The following ZNF16 variants were observed in gnomAD, a reference collection of about 807,000 sequenced individuals.
The protein encoded by ZNF16 is zinc finger protein KOX9.
A neutral mutation model predicts 9.0 loss-of-function variants in ZNF16; 7 were observed. That is an observed-to-expected ratio of 0.78 (90% CI 0.44 to 1.47). The LOEUF is 1.47. Among genes scored for constraint, ZNF16 ranks in the 40% most tolerant of loss-of-function variants. ZNF16 has a pLI of 0.01. For missense variants in ZNF16, 830 were observed against 854.2 expected (o/e 0.97, Z 0.35); for synonymous variants, 312 against 301.5 (o/e 1.03, Z -0.36).
intron 2 of ZNF16, among the ~76,000 whole-genome samples, chr8:144,942,288 AT>A (rs919001585): frequency 2.9e-5 from 4 of 138,066 alleles, no homozygotes; most frequent in Non-Finnish European, 6.3e-5. Flanking sequence ...CATTTTTAAG[AT>A]TTTTTTTTGA....
rs1586949256 is a variant in ZNF16, at chr8:144,933,385, C to T, written c.197-795G>A. Among the ~76,000 whole-genome samples, 1 of 152,166 alleles carries T rather than the reference C, an allele frequency of 6.6e-6. No individual in the cohort carries two copies. On this transcript the variant is annotated intron_variant, in intron 2 of 2. Coordinates refer to ENST00000394909, the MANE Select transcript of ZNF16 (RefSeq NM_006958.3). The surrounding 1 kb of genome is among the most constrained non-coding windows in gnomAD (Gnocchi z 5.6). ...GGTGTTTGCGGATGACTTCTGGCCTCGTAACAATGTGCGTCATCTTTCCGC... is the reference window on the plus strand; with the variant it reads ...GGTGTTTGCGGATGACTTCTGGCCTTGTAACAATGTGCGTCATCTTTCCGC...
intron 2 of ZNF16, among the ~76,000 whole-genome samples, chr8:144,942,023 G>A (rs1199363202): frequency 6.9e-6 from 1 of 145,784 alleles, no homozygotes; most frequent in African/African-American, 2.6e-5. Context: ...TGTCTCCCAG[G>A]CTGGAGTGCA....
In ZNF16 at chr8:144,946,643, GT is replaced by G. The variant is rs202144015; in HGVS notation, c.-9-429del. 7.8e-4 allele frequency among the ~76,000 whole-genome samples: 93 copies of G among 119,902 alleles called. 2 individuals carry two copies. The highest frequency in any genetic ancestry group is 7.4e-4 in the Non-Finnish European group (43 of 57,830). The allele number at this position is 119,902 out of a possible 152,430, so 78.7% of individuals were successfully genotyped here. The stretch of plus-strand genomic sequence containing the variant: ...CCTGCTGTTGGGCCTGTGTCCTGCT[GT>G]TGGGCCTGTGTCCTACTGTGGGCCT... On this transcript the variant is annotated intron_variant, in intron 1 of 2. Coordinates refer to ENST00000394909, the MANE Select transcript of ZNF16 (RefSeq NM_006958.3).
chr8:144,946,375 T>C (rs1365355262), intron 1 of ZNF16, among the ~76,000 whole-genome samples, 160 bp from the exon 2 acceptor site: 1 of 152,126 alleles, frequency 6.6e-6, no homozygotes, highest in Non-Finnish European at 1.5e-5. Context: ...TTTCCTGATC[T>C]TGGACCTAAA....
At chr8:144,934,347 C>T (rs982051040) in intron 2 of ZNF16, among the ~76,000 whole-genome samples, 2 of 152,262 alleles carry the variant, frequency 1.3e-5, no homozygotes, top group African/African-American at 4.8e-5. Context: ...TCCTCTCCCA[C>T]AGAGCTGCCC....
In ZNF16 at chr8:144,932,642, G is replaced by C; in HGVS notation, c.197-52C>G. 6.4e-7 allele frequency: 1 copy of C among 1,568,702 alleles called. No individual in the cohort carries two copies. The highest frequency in any genetic ancestry group is 8.6e-7 in the Non-Finnish European group (1 of 1,156,190). On this transcript the variant is annotated intron_variant, in intron 2 of 2. Coordinates refer to ENST00000394909, the MANE Select transcript of ZNF16 (RefSeq NM_006958.3). This position sits in a 1 kb window ranked among gnomAD's most constrained non-coding sequence, Gnocchi z 5.0. ...GGAAGGCAGTGCTGCAGCAGGAGCA[G>C]GAACATAGACAGTCACAGTTGCACC...
At position 144,942,477 on chromosome 8, in the gene ZNF16, A is replaced by G. The variant is rs994259723; in HGVS notation, c.196+3534T>C. ...TAATTTTTGTATTTTTAGTAGAGAC[A>G]GGGTTTCACCATGTTGGCCAGGCTG... On this transcript the variant is annotated intron_variant, in intron 2 of 2. Coordinates refer to ENST00000394909, the MANE Select transcript of ZNF16 (RefSeq NM_006958.3). Among the ~76,000 whole-genome samples, 62 of 151,292 alleles carry G rather than the reference A, an allele frequency of 4.1e-4. 1 individual carries two copies. Among genetic ancestry groups the G allele is most frequent in the Admixed American group, 2.4e-3 (36 of 15,180 alleles).
intron 1 of ZNF16, among the ~76,000 whole-genome samples, chr8:144,946,566 GCTGTGGGCCTGTGTCC>G (rs1833939341): frequency 7.1e-5 from 10 of 140,960 alleles, no homozygotes; most frequent in African/African-American, 2.2e-4. Context: ...CCTGTACCCT[GCTGTGGGCCTGTGTCC>G]TGCTGTGGGT....
rs1833570075 is a variant in ZNF16, at chr8:144,932,235, G to A, written c.552C>T (p.Asp184=). The change falls in exon 3 of 3, where the codon GAC becomes GAT. Residue 184 remains aspartate, a synonymous_variant. Coordinates refer to ENST00000394909, the MANE Select transcript of ZNF16 (RefSeq NM_006958.3). The surrounding 1 kb of genome is among the most constrained non-coding windows in gnomAD (Gnocchi z 5.0). The part of the protein sequence containing the change: ...IPTEERPHPY[D]MGGQSFQHSV... The stretch of plus-strand genomic sequence containing the variant: ...TGTGCTGGAAACTCTGGCCACCCAT[G>A]TCATATGGATGTGGCCTCTCTTCTG... 6.2e-7 allele frequency: 1 copy of A among 1,614,194 alleles called. No individual in the cohort carries two copies. The highest frequency in any genetic ancestry group is 2.2e-5 in the East Asian group (1 of 44,876).
chr8:144,932,195 C>T lies in ZNF16; in HGVS notation c.592G>A (p.Gly198Ser). The change falls in exon 3 of 3, where the codon GGT becomes AGT. Residue 198 changes from glycine (G) to serine (S), a missense_variant. Coordinates refer to ENST00000394909, the MANE Select transcript of ZNF16 (RefSeq NM_006958.3). The surrounding 1 kb of genome is among the most constrained non-coding windows in gnomAD (Gnocchi z 5.0). The stretch of plus-strand genomic sequence containing the variant: ...TCAGCTGTGGGAACCCCCTCATGAC[C>T]AGTTAGGTCCACACTGTGCTGGAAA... ...QSFQHSVDLTGHEGVPTAESP... is the reference protein window; with the variant it reads ...QSFQHSVDLTSHEGVPTAESP... 6.2e-7 allele frequency: 1 copy of T among 1,614,200 alleles called. No individual in the cohort carries two copies. Among genetic ancestry groups the T allele is most frequent in the Non-Finnish European group, 8.5e-7 (1 of 1,180,030 alleles).
chr8:144,945,815 C>G, intron 2 of ZNF16, 196 bp downstream of exon 2: 2 of 1,105,004 alleles, frequency 1.8e-6, no homozygotes, highest in East Asian at 5.4e-5. Context: ...GGGGAAATCA[C>G]AGTTCTGCTC....
chr8:144,943,433 C>G (rs1227644875), intron 2 of ZNF16, among the ~76,000 whole-genome samples: 1 of 152,124 alleles, frequency 6.6e-6, no homozygotes. Flanking sequence ...TTTTCCATCC[C>G]CTTCTCTATT....
rs1210676607 is a variant in ZNF16, at chr8:144,937,351, G to T, written c.197-4761C>A. Among the ~76,000 whole-genome samples the T allele has an allele frequency of 2.0e-5, 3 of 151,804 alleles. 1 individual carries two copies. Among genetic ancestry groups the T allele is most frequent in the Non-Finnish European group, 4.4e-5 (3 of 67,970 alleles). On this transcript the variant is annotated intron_variant, in intron 2 of 2. Transcript: ENST00000394909. Reference sequence around the variant, plus strand: ...GGGTTTCGCCATATTGGCCAGGCTGGTCTCAAACTCCTGACATCAGGTGAT... The same window carrying T: ...GGGTTTCGCCATATTGGCCAGGCTGTTCTCAAACTCCTGACATCAGGTGAT...
Position 144,930,979 on chromosome 8 carries a change from C to G in ZNF16, c.1808G>C (p.Cys603Ser). The stretch of plus-strand genomic sequence containing the variant: ...GCTGAAGCCCTTACCACATTCAACA[C>G]AGGTGTAGGGTTTTTCCCCAGTATG... ...KVHTGEKPYT[C>S]VECGKGFSQS... Residue 603 changes from cysteine (C) to serine (S), a missense_variant, in exon 3 of 3, where the codon TGT becomes TCT. Transcript: ENST00000394909. 6.2e-7 allele frequency: 1 copy of G among 1,614,164 alleles called. No homozygotes were observed.
At chr8:144,949,311 ATC>A (rs1391193737) in intron 1 of ZNF16, among the ~76,000 whole-genome samples, 1 of 152,216 alleles carries the variant, frequency 6.6e-6, no homozygotes, top group African/African-American at 2.4e-5. Flanking sequence ...CAGGCAGGAC[ATC>A]TGAGGCTGAG....
chr8:144,946,029 G>C lies in ZNF16; in HGVS notation c.178C>G (p.Pro60Ala), dbSNP rs766645421. ...AAAGTACCTGGCTGCTGATAGTGAG[G>C]GCAGATGGCTTCCAGCTCAGTATCA... ...CSDTELEAIC[P>A]HYQQPDCDTR... is the part of the protein sequence containing the mutation. Residue 60 changes from proline to alanine, a missense_variant, in exon 2 of 3, where the codon CCT becomes GCT. Transcript: ENST00000394909. 1 of 1,613,728 alleles carries C rather than the reference G, an allele frequency of 6.2e-7. No homozygotes were observed. Among genetic ancestry groups the C allele is most frequent in the Non-Finnish European group, 8.5e-7 (1 of 1,179,790 alleles).
At chr8:144,942,749 A>T (rs1485474286) in intron 2 of ZNF16, among the ~76,000 whole-genome samples, 1 of 152,208 alleles carries the variant, frequency 6.6e-6, no homozygotes, top group African/African-American at 2.4e-5. Context: ...ACACCTTTAT[A>T]CATAGTGGGG....
chr8:144,935,228 GTT>G (rs1833654472), intron 2 of ZNF16, among the ~76,000 whole-genome samples: 1 of 151,820 alleles, frequency 6.6e-6, no homozygotes, highest in African/African-American at 2.4e-5. Context: ...TGGAGACAGA[GTT>G]TGGCTCTTAT....
chr8:144,950,759 G>A (rs1407439780), intron 1 of ZNF16, 38 bp downstream of exon 1: 1 of 152,206 alleles, frequency 6.6e-6, no homozygotes, highest in Non-Finnish European at 1.5e-5. Flanking sequence ...GGGACAACCA[G>A]ACGCAGGGTC....
Sources: allele counts gnomAD v4.1 joint callset (sites outside exome capture counted in the v4.1 genomes callset), GRCh38; gene constraint gnomAD v4.1.1; non-coding constraint Gnocchi (gnomAD v3.1); transcripts MANE v1.5; gene names NCBI Gene and HGNC (gene_info 2026-07-23, HGNC 2026-07-21).